TCP1: variants seen among roughly 807,000 people sequenced by gnomAD.
The protein encoded by TCP1 is t-complex 1, also known as T-complex protein 1 subunit alpha.
TCP1 carries 6 observed loss-of-function variants against 54.7 expected under a neutral mutation model. That is an observed-to-expected ratio of 0.11 (90% CI 0.06 to 0.22). TCP1 has a LOEUF of 0.22. TCP1 is among the 10% of genes least tolerant of loss of function. The pLI is 1.00. For synonymous variants in TCP1, 225 were observed against 229.7 expected, an observed-to-expected ratio of 0.98 and a Z score of 0.19; for missense variants, 511 against 678.2, an observed-to-expected ratio of 0.75 and a Z score of 2.74.
intron 1 of TCP1, chr6:159,788,415 C>G (rs1054725515): frequency 2.8e-6 from 1 of 355,886 alleles, no homozygotes; most frequent in African/African-American, 2.1e-5. Context: ...TAGCGAAACC[C>G]ATTTCTACAA....
intron 7 of TCP1, among the ~76,000 whole-genome samples, chr6:159,781,767 C>T (rs55975365): frequency 0.46 from 69,423 of 151,992 alleles, 18,034 homozygotes; most frequent in Non-Finnish European, 0.58. Context: ...AGCAAAACTC[C>T]GTCTCAAAAA....
At chr6:159,779,545 T>C in intron 11 of TCP1, 82 bp downstream of exon 11, 4 of 1,496,164 alleles carry the variant, frequency 2.7e-6, no homozygotes, top group Non-Finnish European at 3.6e-6. Flanking sequence ...TTACTTATGT[T>C]TGCTGACATG....
rs1023754003 is a variant in TCP1 at position 159,780,572 on chromosome 6, A to T, written c.974-6T>A. 4.3e-6 allele frequency: 7 copies of T among 1,610,444 alleles called. No individual in the cohort carries two copies. Among genetic ancestry groups the T allele is most frequent in the African/African-American group, 1.3e-5 (1 of 74,582 alleles). On this transcript the variant is annotated splice_region_variant and splice_polypyrimidine_tract_variant and intron_variant, in intron 8 of 11. Transcript: ENST00000321394. ...CAGGGTTGACAGAATAGTTGCTAAT[A>T]AGAGAGTTACAAAGGATCTGTGAAT...
rs1471634057 is a variant in TCP1 at position 159,780,465 on chromosome 6, C to G, written c.1075G>C (p.Asp359His). 5.6e-6 allele frequency: 9 copies of G among 1,614,020 alleles called. No individual in the cohort carries two copies. Among genetic ancestry groups the G allele is most frequent in the Non-Finnish European group, 5.9e-6 (7 of 1,179,960 alleles). Residue 359 changes from aspartate (D) to histidine (H), a missense_variant, in exon 9 of 12, where the codon GAT becomes CAT. By Grantham distance (81) the Asp-to-His change is moderately conservative. Coordinates refer to ENST00000321394, the MANE Select transcript of TCP1 (RefSeq NM_030752.3). Reference sequence around the variant, plus strand: ...TACTTTTTGATTAAGATCAGCTCATCATCACAAATTCTCTCCTGTACCACT... The same window carrying G: ...TACTTTTTGATTAAGATCAGCTCATGATCACAAATTCTCTCCTGTACCACT... ...EEVVQERICD[D>H]ELILIKNTKA...
At position 159,779,057 on chromosome 6, in the gene TCP1, G is replaced by A; in HGVS notation, c.1659C>T (p.Ala553=). Residue 553 remains alanine, a synonymous_variant, in exon 12 of 12, where the codon GCC becomes GCT. Coordinates refer to ENST00000321394, the MANE Select transcript of TCP1 (RefSeq NM_030752.3). ...GSYEDAVHSG[A]LND ...AAGGAACATCAGATCAATCATTAAG[G>A]GCTCCAGAGTGAACAGCATCTTCAT... The A allele has an allele frequency of 1.9e-6, 3 of 1,613,222 alleles. No homozygotes were observed. Among genetic ancestry groups the A allele is most frequent in the South Asian group, 1.1e-5 (1 of 91,022 alleles).
intron 7 of TCP1, among the ~76,000 whole-genome samples, 177 bp downstream of exon 7, chr6:159,783,764 A>G (rs1780629949): frequency 6.6e-6 from 1 of 152,200 alleles, no homozygotes; most frequent in Non-Finnish European, 1.5e-5. Context: ...TAATAGACTC[A>G]TACAATCAAA....
At chr6:159,787,709 A>G (rs1322568304) in intron 3 of TCP1, 34 bp downstream of exon 3, 5 of 1,575,978 alleles carry the variant, frequency 3.2e-6, no homozygotes, top group Admixed American at 1.7e-5. Context: ...GGTCGTTTTT[A>G]GAAAAATGAT....
At chr6:159,789,349 G>T in intron 1 of TCP1, 56 bp downstream of exon 1, 1 of 1,601,872 alleles carries the variant, frequency 6.2e-7, no homozygotes, top group Non-Finnish European at 8.5e-7. Context: ...GTCCGGTCGC[G>T]GTGGGACTCG....
intron 9 of TCP1, 50 bp downstream of exon 9, chr6:159,780,387 CTACTTT>C (rs779421143): frequency 5.0e-5 from 81 of 1,612,174 alleles, no homozygotes; most frequent in Admixed American, 1.2e-4. Flanking sequence ...GGAAGAAAAC[CTACTTT>C]TACTTAACAA....
chr6:159,780,657 T>C, intron 8 of TCP1, 91 bp from the exon 9 acceptor site: 3 of 1,487,916 alleles, frequency 2.0e-6, no homozygotes, highest in Non-Finnish European at 2.7e-6. Context: ...AAAAGTGCTA[T>C]ATTACAAGTT....
chr6:159,783,842 CTAA>C lies in TCP1; in HGVS notation c.797+96_797+98del, dbSNP rs2114993867. 6 of 1,452,708 alleles carry C rather than the reference CTAA, an allele frequency of 4.1e-6. No individual in the cohort carries two copies. The Admixed American group carries it at 1.0e-4, about 24-fold the overall frequency. 90.0% of individuals were successfully genotyped at this position (1,452,708 alleles called of 1,614,324 possible). On this transcript the variant is annotated intron_variant, in intron 7 of 11. Coordinates refer to ENST00000321394, the MANE Select transcript of TCP1 (RefSeq NM_030752.3). The stretch of plus-strand genomic sequence containing the variant: ...AAATCCCTCTAAAAACACCACCAGG[CTAA>C]TTTTTCTGGAAGTAAAATAGTTTGA...
In TCP1 at chr6:159,780,105, ACAATTCTTGTAATAG is replaced by A; in HGVS notation, c.1098-33_1098-19del. 1 of 1,591,526 alleles carries A rather than the reference ACAATTCTTGTAATAG, an allele frequency of 6.3e-7. No individual in the cohort carries two copies. The highest frequency in any genetic ancestry group is 8.5e-7 in the Non-Finnish European group (1 of 1,171,120). ...CCTTAGTACTGTTCAAAACAAAAGT[ACAATTCTTGTAATAG>A]CATTTTTAAAAATTTTTTTTTGCCA... On this transcript the variant is annotated intron_variant, in intron 9 of 11. Transcript: ENST00000321394.
intron 5 of TCP1, 43 bp downstream of exon 5, chr6:159,785,343 T>C (rs1268233290): frequency 2.1e-6 from 3 of 1,462,144 alleles, no homozygotes; most frequent in East Asian, 4.5e-5. Context: ...CAAAGTCTTA[T>C]GCTTTAAAAA....
chr6:159,780,666 T>C, intron 8 of TCP1, 100 bp from the exon 9 acceptor site: 1 of 1,463,440 alleles, frequency 6.8e-7, no homozygotes, highest in Non-Finnish European at 9.2e-7. Context: ...ATATTACAAG[T>C]TTAGAATTTA....
chr6:159,778,515 G>C lies in TCP1; in HGVS notation c.*530C>G, dbSNP rs1780484871. 1 of 902,746 alleles carries C rather than the reference G, an allele frequency of 1.1e-6. No homozygotes were observed. Among genetic ancestry groups the C allele is most frequent in the Non-Finnish European group, 1.6e-6 (1 of 626,382 alleles). The allele number at this position is 902,746 out of a possible 1,614,324, so 55.9% of individuals were successfully genotyped here. A position where few individuals can be genotyped will look rare whatever the true frequency, so the allele number is the denominator to read the frequency against. On this transcript the variant is annotated 3_prime_UTR_variant, in exon 12 of 12. Transcript: ENST00000321394. ...GGCAGGGATGAATTTTCACAAAGGT[G>C]TAAATTTATTCCTAAGCAGTTAAAA... is the stretch of plus-strand genomic sequence containing the variant.
intron 5 of TCP1, chr6:159,785,179 CGT>C: frequency 1.6e-6 from 1 of 609,276 alleles, no homozygotes; most frequent in African/African-American, 1.8e-5. Flanking sequence ...ACTACGCACG[CGT>C]GCGCGCAACA....
chr6:159,785,262 G>A (rs1188750839), intron 5 of TCP1, 124 bp downstream of exon 5: 41 of 745,370 alleles, frequency 5.5e-5, no homozygotes, highest in Non-Finnish European at 6.8e-6. Context: ...GGCACTCCTG[G>A]GTTCAATTAA....
Position 159,779,135 on chromosome 6 carries a change from A to G in TCP1, c.1581T>C (p.Ile527=). 1.2e-6 allele frequency: 2 copies of G among 1,614,020 alleles called. No individual in the cohort carries two copies. ...ATEAAITILR[I]DDLIKLHPES... ...CTGGATGTAATTTAATAAGATCATC[A>G]ATTCGAAGAATGGTGATTGCAGCTT... Residue 527 remains isoleucine, a synonymous_variant, in exon 12 of 12, where the codon ATT becomes ATC. Coordinates refer to ENST00000321394, the MANE Select transcript of TCP1 (RefSeq NM_030752.3).
chr6:159,788,585 G>GAA (rs56336043), intron 1 of TCP1: 172 of 147,482 alleles, frequency 1.2e-3, no homozygotes, highest in Admixed American at 2.0e-3. Flanking sequence ...TGATGGCGGG[G>GAA]AAAAAAAAAA....
Sources: allele counts gnomAD v4.1 joint callset (sites outside exome capture counted in the v4.1 genomes callset), GRCh38; gene constraint gnomAD v4.1.1; transcripts MANE v1.5; gene names NCBI Gene and HGNC (gene_info 2026-07-23, HGNC 2026-07-21).